RBPJ: variants seen among roughly 807,000 people sequenced by gnomAD.
The protein encoded by RBPJ is recombination signal binding protein for immunoglobulin kappa J region.
A neutral mutation model predicts 67.8 loss-of-function variants in RBPJ; 9 were observed. That is an observed-to-expected ratio of 0.13 (90% CI 0.08 to 0.23). The LOEUF (loss-of-function observed/expected upper bound fraction) is 0.23. Ranked by LOEUF, RBPJ falls within the 10% of genes least tolerant of loss-of-function variation. The pLI, the probability that RBPJ is intolerant of heterozygous loss-of-function variation, is 1.00. For synonymous variants in RBPJ, 198 were observed against 203.3 expected (o/e 0.97, Z 0.22); for missense variants, 305 against 595.6 (o/e 0.51, Z 5.08).
chr4:26,323,838 C>G (rs144635716), intron 1 of RBPJ, among the ~76,000 whole-genome samples: 6 of 152,060 alleles, frequency 3.9e-5, no homozygotes, highest in Non-Finnish European at 4.4e-5. Flanking sequence ...AAAATTGTTT[C>G]GTTTGAAAGT....
chr4:26,429,796 A>G, intron 8 of RBPJ, 102 bp from the exon 9 acceptor site: 1 of 938,108 alleles, frequency 1.1e-6, no homozygotes, highest in South Asian at 1.6e-5. Context: ...TTACTGAGTT[A>G]TCTTCTTATT....
At chr4:26,176,823 G>C (rs552698141) in intron 1 of RBPJ, among the ~76,000 whole-genome samples, 3 of 152,266 alleles carry the variant, frequency 2.0e-5, no homozygotes, top group East Asian at 3.8e-4. Flanking sequence ...ACCACCTTCA[G>C]AGCTCAGCGT....
At chr4:26,363,338 C>G (rs914872548) in intron 1 of RBPJ, among the ~76,000 whole-genome samples, 1 of 152,194 alleles carries the variant, frequency 6.6e-6, no homozygotes, top group African/African-American at 2.4e-5. Context: ...CAGGGTTTCA[C>G]CATATTGGCC....
chr4:26,430,437 G>A lies in RBPJ; in HGVS notation c.1063G>A (p.Val355Ile), dbSNP rs775088765. 8.1e-6 allele frequency: 13 copies of A among 1,611,538 alleles called. No homozygotes were observed. Among genetic ancestry groups the A allele is most frequent in the South Asian group, 1.1e-5 (1 of 90,274 alleles). The part of the protein sequence containing the change: ...ESLQLNGGGD[V>I]AMLELTGQNF... ...ATTGCAGTTGAATGGCGGTGGGGAC[G>A]TAGCAATGCTTGAACTTACAGGACA... Residue 355 changes from valine to isoleucine, a missense_variant, in exon 10 of 11, where the codon GTA (valine) becomes ATA (isoleucine). Val to Ile is a conservative substitution (Grantham distance 29). This residue lies in a region of RBPJ where 47 missense variants were observed against 128.2 expected (regional missense o/e 0.37). Transcript: ENST00000355476. The surrounding 1 kb of genome is among the most constrained non-coding windows in gnomAD (Gnocchi z 4.1).
intron 1 of RBPJ, among the ~76,000 whole-genome samples, chr4:26,167,994 A>G (rs1716388452): frequency 6.6e-6 from 1 of 151,854 alleles, no homozygotes; most frequent in African/African-American, 2.4e-5. Context: ...TTTCCTGAAT[A>G]CAGCACACTG....
At chr4:26,408,444 CATAA>C (rs1013545695) in intron 3 of RBPJ, among the ~76,000 whole-genome samples, 6 of 142,540 alleles carry the variant, frequency 4.2e-5, no homozygotes, top group African/African-American at 1.6e-4. Context: ...TTTTTTTTTT[CATAA>C]ATAAAATTTA....
At chr4:26,415,745 T>C (rs1413345214) in intron 4 of RBPJ, 105 bp downstream of exon 4, 1 of 1,108,360 alleles carries the variant, frequency 9.0e-7, no homozygotes, top group Non-Finnish European at 1.3e-6. Context: ...TAACTATTGG[T>C]AACAATTTCT....
chr4:26,376,152 A>C (rs530929382), intron 1 of RBPJ, among the ~76,000 whole-genome samples: 37 of 152,300 alleles, frequency 2.4e-4, no homozygotes, highest in East Asian at 5.8e-4. Context: ...ATTTTAACCA[A>C]TTTTAAGTTT....
intron 1 of RBPJ, among the ~76,000 whole-genome samples, chr4:26,357,857 C>T (rs1187583144): frequency 1.3e-5 from 2 of 152,080 alleles, no homozygotes; most frequent in Non-Finnish European, 1.5e-5. Flanking sequence ...CTTCACTTAC[C>T]ATAATGTCTT....
chr4:26,319,796 C>T (rs1722828164), upstream of RBPJ: 1 of 1,371,526 alleles, frequency 7.3e-7, no homozygotes. Flanking sequence ...TTCCAGTTCT[C>T]CGGGTTTTGG....
At chr4:26,352,306 C>T (rs1449146540) in intron 1 of RBPJ, among the ~76,000 whole-genome samples, 1 of 152,174 alleles carries the variant, frequency 6.6e-6, no homozygotes, top group Non-Finnish European at 1.5e-5. Flanking sequence ...TGTATCTACA[C>T]ATGGTGGAAT....
chr4:26,300,374 G>A (rs1722035806), intron 1 of RBPJ, among the ~76,000 whole-genome samples: 1 of 152,148 alleles, frequency 6.6e-6, no homozygotes, highest in Non-Finnish European at 1.5e-5. Flanking sequence ...TTAACTAAAG[G>A]AAGGAAGAAA....
At chr4:26,324,455 CAAATG>C (rs999963457) in intron 1 of RBPJ, among the ~76,000 whole-genome samples, 2 of 151,804 alleles carry the variant, frequency 1.3e-5, no homozygotes, top group Non-Finnish European at 2.9e-5. Flanking sequence ...CTGTCAAACT[CAAATG>C]TAATAACATT....
chr4:26,250,305 G>A (rs1216268735), intron 1 of RBPJ, among the ~76,000 whole-genome samples: 2 of 147,026 alleles, frequency 1.4e-5, no homozygotes, highest in African/African-American at 2.5e-5. Flanking sequence ...CATACATGTT[G>A]TAGCATAGAT....
At chr4:26,211,155 G>C (rs1718408622) in intron 1 of RBPJ, among the ~76,000 whole-genome samples, 1 of 152,082 alleles carries the variant, frequency 6.6e-6, no homozygotes, top group East Asian at 1.9e-4. Context: ...TAAACCCTCT[G>C]AAATTATATA....
chr4:26,427,341 T>C (rs1351222540), intron 7 of RBPJ, among the ~76,000 whole-genome samples: 1 of 152,190 alleles, frequency 6.6e-6, no homozygotes. Context: ...CTGTTTTCGA[T>C]ATGCTAAGCT....
chr4:26,193,300 C>G (rs535085565), intron 1 of RBPJ, among the ~76,000 whole-genome samples: 14 of 152,328 alleles, frequency 9.2e-5, no homozygotes. Context: ...AAGCTGATCA[C>G]AGCAACAGGT....
At chr4:26,173,784 C>T (rs183331069) in intron 1 of RBPJ, among the ~76,000 whole-genome samples, 42 of 152,300 alleles carry the variant, frequency 2.8e-4, no homozygotes, top group Admixed American at 1.3e-3. Flanking sequence ...TGCATCTCCA[C>T]GGGCTGGGCA....
At chr4:26,214,903 A>G (rs1718609784) in intron 1 of RBPJ, among the ~76,000 whole-genome samples, 1 of 129,828 alleles carries the variant, frequency 7.7e-6, no homozygotes, top group Admixed American at 7.9e-5. Flanking sequence ...AAAGAGAAAA[A>G]GAAAGAAAAA....
Sources: allele counts gnomAD v4.1 joint callset (sites outside exome capture counted in the v4.1 genomes callset), GRCh38; gene constraint gnomAD v4.1.1; regional missense constraint gnomAD v4.1.1; non-coding constraint Gnocchi (gnomAD v3.1); transcripts MANE v1.5; gene names NCBI Gene and HGNC (gene_info 2026-07-23, HGNC 2026-07-21).